The following TPTE variants were observed in gnomAD, a reference collection of about 807,000 sequenced individuals.
TPTE encodes the protein putative tyrosine-protein phosphatase TPTE.
A neutral mutation model predicts 84.1 loss-of-function variants in TPTE; 59 were observed. That is an observed-to-expected ratio of 0.70 (90% CI 0.57 to 0.87). TPTE has a LOEUF of 0.87. Among genes scored for constraint, TPTE ranks in the 40% least tolerant of loss-of-function variants. The pLI, the probability that TPTE is intolerant of heterozygous loss-of-function variation, is 0.00. For synonymous variants in TPTE, 130 were observed against 223.5 expected, an observed-to-expected ratio of 0.58 and a Z score of 3.73; for missense variants, 382 against 659.6, an observed-to-expected ratio of 0.58 and a Z score of 4.61.
intron 22 of TPTE, among the ~76,000 whole-genome samples, chr21:10,603,147 C>G (rs1414605752): frequency 6.6e-6 from 1 of 152,312 alleles, no homozygotes; most frequent in Non-Finnish European, 1.5e-5. Flanking sequence ...TGACTGAACC[C>G]CGCTTCTGAT....
intron 17 of TPTE, among the ~76,000 whole-genome samples, chr21:10,589,662 G>T (rs2075429541): frequency 6.6e-6 from 1 of 152,312 alleles, no homozygotes; most frequent in Non-Finnish European, 1.5e-5. Context: ...CTCTTCCTCT[G>T]CCCGGGTTGC....
At chr21:10,540,687 G>A (rs1213553045) in intron 4 of TPTE, 4 of 519,162 alleles carry the variant, frequency 7.7e-6, no homozygotes, top group Non-Finnish European at 1.5e-5. Context: ...CCTTGCTTGA[G>A]GCCTCCAGCT....
chr21:10,576,838 C>CATATATATAT (rs56285862), intron 14 of TPTE, among the ~76,000 whole-genome samples: 300 of 135,840 alleles, frequency 2.2e-3, no homozygotes, highest in South Asian at 2.9e-3. Context: ...TACATATATA[C>CATATATATAT]ATATATATAT....
At chr21:10,531,776 AT>A (rs2074182736) in intron 3 of TPTE, among the ~76,000 whole-genome samples, 1 of 152,310 alleles carries the variant, frequency 6.6e-6, no homozygotes, top group East Asian at 1.9e-4. Context: ...TACAAAGGTA[AT>A]TTCTAATCCT....
intron 10 of TPTE, among the ~76,000 whole-genome samples, chr21:10,563,064 C>T (rs958196441): frequency 3.9e-5 from 6 of 152,304 alleles, no homozygotes; most frequent in African/African-American, 1.4e-4. Context: ...GCAGCAGACT[C>T]TTTAGTAGAA....
At chr21:10,551,499 C>T (rs2074573022) in intron 7 of TPTE, among the ~76,000 whole-genome samples, 1 of 152,260 alleles carries the variant, frequency 6.6e-6, no homozygotes, top group Non-Finnish European at 1.5e-5. Flanking sequence ...TTCAAATAAA[C>T]CACTGAACAA....
chr21:10,546,927 AG>A (rs2074478247), intron 7 of TPTE, among the ~76,000 whole-genome samples: 1 of 152,312 alleles, frequency 6.6e-6, no homozygotes, highest in Admixed American at 6.5e-5. Flanking sequence ...CAGAAGATCT[AG>A]GTGAGATAAC....
At chr21:10,597,542 G>C (rs1487091872) in intron 20 of TPTE, among the ~76,000 whole-genome samples, 1 of 152,268 alleles carries the variant, frequency 6.6e-6, no homozygotes, top group African/African-American at 2.4e-5. Context: ...AGCCTCCTAA[G>C]TAGCTGGGAT....
At chr21:10,587,708 C>A (rs1273817068) in intron 17 of TPTE, among the ~76,000 whole-genome samples, 1 of 152,310 alleles carries the variant, frequency 6.6e-6, no homozygotes, top group Non-Finnish European at 1.5e-5. Flanking sequence ...TGCCACCACA[C>A]CCAGCTAATT....
intron 11 of TPTE, among the ~76,000 whole-genome samples, chr21:10,568,438 A>G (rs1317379877): frequency 2.6e-5 from 4 of 152,310 alleles, no homozygotes; most frequent in Non-Finnish European, 5.9e-5. Flanking sequence ...GGGATTGGGA[A>G]ACTAAAGAGT....
intron 14 of TPTE, among the ~76,000 whole-genome samples, chr21:10,571,838 C>G (rs1185457964): frequency 6.6e-6 from 1 of 152,292 alleles, no homozygotes; most frequent in African/African-American, 2.4e-5. Context: ...GAAATCCTGT[C>G]TCTAAAAAAT....
chr21:10,544,990 T>C (rs2074438274), intron 7 of TPTE, among the ~76,000 whole-genome samples: 1 of 152,308 alleles, frequency 6.6e-6, no homozygotes, highest in Admixed American at 6.5e-5. Flanking sequence ...AAATACCATG[T>C]TTCAAATAAA....
chr21:10,566,341 A>C (rs1458131944), intron 10 of TPTE, among the ~76,000 whole-genome samples: 8 of 152,422 alleles, frequency 5.2e-5, no homozygotes, highest in African/African-American at 1.9e-4. Flanking sequence ...GTTTATATCC[A>C]AAAGTCAGGC....
At chr21:10,588,945 A>G (rs2075415031) in intron 17 of TPTE, among the ~76,000 whole-genome samples, 1 of 152,306 alleles carries the variant, frequency 6.6e-6, no homozygotes, top group Non-Finnish European at 1.5e-5. Context: ...TCAACCTTGA[A>G]TCTCATTGAG....
intron 23 of TPTE, among the ~76,000 whole-genome samples, chr21:10,604,876 T>G (rs1979082879): frequency 6.6e-6 from 1 of 152,308 alleles, no homozygotes; most frequent in African/African-American, 2.4e-5. Flanking sequence ...AAGCTGTTTT[T>G]GTTATGAGAT....
intron 14 of TPTE, among the ~76,000 whole-genome samples, chr21:10,572,320 C>T (rs113289432): frequency 9.9e-4 from 151 of 151,986 alleles, no homozygotes; most frequent in African/African-American, 3.2e-3. Flanking sequence ...GGTGTGGTGG[C>T]GTGAACCTGT....
chr21:10,532,412 C>T (rs1208997148), intron 3 of TPTE, among the ~76,000 whole-genome samples: 1 of 152,304 alleles, frequency 6.6e-6, no homozygotes. Context: ...TTATTATTGC[C>T]ACAGGTCTAT....
intron 2 of TPTE, among the ~76,000 whole-genome samples, 175 bp from the exon 3 acceptor site, chr21:10,527,180 C>T (rs578237121): frequency 1.8e-4 from 28 of 152,344 alleles, no homozygotes; most frequent in Middle Eastern, 3.4e-3. Flanking sequence ...CAGACACACA[C>T]ACACACACAG....
intron 14 of TPTE, among the ~76,000 whole-genome samples, chr21:10,572,296 A>T (rs2075060131): frequency 1.2e-5 from 1 of 82,256 alleles, no homozygotes; most frequent in East Asian, 4.1e-4. Context: ...CTAATAATAC[A>T]AAAAAATTAC....
Sources: allele counts gnomAD v4.1 joint callset (sites outside exome capture counted in the v4.1 genomes callset), GRCh38; gene constraint gnomAD v4.1.1; transcripts MANE v1.5; gene names NCBI Gene and HGNC (gene_info 2026-07-23, HGNC 2026-07-21).